CACNA1H: variants seen among roughly 807,000 people sequenced by gnomAD.
The protein encoded by CACNA1H is voltage-dependent T-type calcium channel subunit alpha-1H.
In CACNA1H, 149 loss-of-function variants were observed where a neutral mutation model predicts 192.5. That is an observed-to-expected ratio of 0.77 (90% confidence interval 0.68 to 0.89). The LOEUF (loss-of-function observed/expected upper bound fraction) is 0.89. CACNA1H is among the 40% of genes least tolerant of loss of function. The pLI, the probability that CACNA1H is intolerant of heterozygous loss-of-function variation, is 0.00. For synonymous variants in CACNA1H, 2,202 were observed against 1,475.2 expected (o/e 1.49, Z -11.29); for missense variants, 4,257 against 3,423.5 (o/e 1.24, Z -6.08).
intron 26 of CACNA1H, among the ~76,000 whole-genome samples, chr16:1,213,331 C>T (rs578124417): frequency 1.3e-5 from 2 of 152,210 alleles, no homozygotes; most frequent in African/African-American, 4.8e-5. Flanking sequence ...TGAGGCCAGG[C>T]AAGGAGTAGA....
intron 17 of CACNA1H, 97 bp downstream of exon 17, chr16:1,209,509 T>G: frequency 6.9e-7 from 1 of 1,451,170 alleles, no homozygotes; most frequent in Non-Finnish European, 9.4e-7. Context: ...GGGCGTGTTG[T>G]TGACTGAGGG....
intron 11 of CACNA1H, among the ~76,000 whole-genome samples, chr16:1,205,495 C>T (rs751696956): frequency 6.6e-5 from 10 of 152,208 alleles, no homozygotes; most frequent in African/African-American, 9.7e-5. Context: ...GGGTGCGCAC[C>T]TGTTAGGTCA....
chr16:1,167,138 C>T lies in CACNA1H; in HGVS notation c.299+13102C>T, dbSNP rs1963869228. Among the ~76,000 whole-genome samples the T allele has an allele frequency of 6.6e-6, 1 of 152,218 alleles. No individual in the cohort carries two copies. The highest frequency in any genetic ancestry group is 1.5e-5 in the Non-Finnish European group (1 of 68,040). ...GCTGTGGGAGTGGACACGGCCCTTC[C>T]TTTCCTCGCCGACCCTTTGGGGCGT... On this transcript the variant is annotated intron_variant, in intron 2 of 34. Coordinates refer to ENST00000348261, the MANE Select transcript of CACNA1H (RefSeq NM_021098.3). The surrounding 1 kb of genome is among the most constrained non-coding windows in gnomAD (Gnocchi z 4.2).
In CACNA1H at chr16:1,215,001, C is replaced by G; in HGVS notation, c.4959C>G (p.Asn1653Lys). The G allele has an allele frequency of 6.2e-7, 1 of 1,612,202 alleles. No individual in the cohort carries two copies. The highest frequency in any genetic ancestry group is 8.5e-7 in the Non-Finnish European group (1 of 1,179,194). ...KSLDEALKYC[N>K]YVFTIVFVFE... ...TGGACGAGGCCCTCAAGTACTGCAA[C>G]TACGTCTTCACCATCGTGTTTGTCT... The change falls in exon 28 of 35, where the codon AAC becomes AAG. Residue 1653 changes from asparagine (N) to lysine (K), a missense_variant. Transcript: ENST00000348261.
intron 2 of CACNA1H, among the ~76,000 whole-genome samples, chr16:1,185,019 AC>A (rs1400727586): frequency 1.3e-5 from 2 of 152,184 alleles, no homozygotes; most frequent in Non-Finnish European, 2.9e-5. Context: ...CCAGAAGGAA[AC>A]CGCATCCCCA....
At position 1,200,330 on chromosome 16, in the gene CACNA1H, C is replaced by T; in HGVS notation, c.878C>T (p.Ser293Leu). The T allele has an allele frequency of 1.2e-6, 2 of 1,603,746 alleles. No homozygotes were observed. Among genetic ancestry groups the T allele is most frequent in the Non-Finnish European group, 1.7e-6 (2 of 1,175,854 alleles). The change falls in exon 7 of 35, where the codon TCA becomes TTA. Residue 293 changes from serine to leucine, a missense_variant. Physicochemically the swap from Ser to Leu is moderately radical, Grantham distance 145. Coordinates refer to ENST00000348261, the MANE Select transcript of CACNA1H (RefSeq NM_021098.3). ...GAGGAGAACCCGTTCATCTGCTCCT[C>T]ACGCCGAGACAACGGCATGCAGAAG... is the stretch of plus-strand genomic sequence containing the variant. ...EGEENPFICSSRRDNGMQKCS... is the reference protein window; with the variant it reads ...EGEENPFICSLRRDNGMQKCS...
chr16:1,174,426 C>G (rs1309332736), intron 2 of CACNA1H, among the ~76,000 whole-genome samples: 1 of 152,192 alleles, frequency 6.6e-6, no homozygotes, highest in Admixed American at 6.5e-5. Flanking sequence ...TCTCGGGGTG[C>G]TGGCATGAGG....
chr16:1,169,866 G>C (rs1433382511), intron 2 of CACNA1H, among the ~76,000 whole-genome samples: 1 of 152,270 alleles, frequency 6.6e-6, no homozygotes, highest in Middle Eastern at 3.2e-3. Context: ...ACATGGGCGT[G>C]TGCGACCGCC....
chr16:1,170,856 G>A (rs1199954364), intron 2 of CACNA1H, among the ~76,000 whole-genome samples: 5 of 152,164 alleles, frequency 3.3e-5, no homozygotes, highest in Non-Finnish European at 4.4e-5. Flanking sequence ...TGCTGGCCCC[G>A]GTCCTGTGGG....
chr16:1,206,480 A>G (rs1296470219), intron 12 of CACNA1H, 191 bp downstream of exon 12: 8 of 595,752 alleles, frequency 1.3e-5, no homozygotes, highest in Non-Finnish European at 2.3e-5. Flanking sequence ...CACGTGTTAG[A>G]CATGCAGGGA....
rs201227047 is a variant in CACNA1H at position 1,205,203 on chromosome 16, C to T, written c.2541C>T (p.Cys847=). ...ALEMLLKLLA[C]GPLGYIRNPY... is the part of the protein sequence containing the mutation. ...AGATGCTGCTGAAGCTGCTGGCCTG[C>T]GGCCCTCTGGGCTACATCCGGAACC... The change falls in exon 11 of 35, where the codon TGC becomes TGT. Residue 847 remains cysteine (C), a synonymous_variant. Transcript: ENST00000348261. 4.0e-5 allele frequency: 65 copies of T among 1,612,980 alleles called. No individual in the cohort carries two copies. Among genetic ancestry groups the T allele is most frequent in the African/African-American group, 1.6e-4 (12 of 75,048 alleles).
At position 1,204,290 on chromosome 16, in the gene CACNA1H, G is replaced by A. The variant is rs1369207911; in HGVS notation, c.2283G>A (p.Arg761=). ...GCCCAGGCCCAGGCAGCCCCCAGCG[G>A]CGGGCACAGCAGAGGGCAGCCCCGG... ...TPGPGPGSPQ[R]RAQQRAAPGE... is the part of the protein sequence containing the mutation. The change falls in exon 10 of 35, where the codon CGG becomes CGA. Residue 761 remains arginine, a synonymous_variant. Transcript: ENST00000348261. 1.9e-6 allele frequency: 3 copies of A among 1,603,310 alleles called. No individual in the cohort carries two copies. The highest frequency in any genetic ancestry group is 1.3e-5 in the African/African-American group (1 of 74,860).
chr16:1,215,845 G>A (rs975960424), intron 30 of CACNA1H, among the ~76,000 whole-genome samples: 1 of 152,114 alleles, frequency 6.6e-6, no homozygotes, highest in African/African-American at 2.4e-5. Context: ...CACTTCCAGA[G>A]GCGGGGGCCG....
Position 1,176,778 on chromosome 16 carries a change from C to T in CACNA1H, c.300-18194C>T, listed in dbSNP as rs989702378. Reference sequence around the variant, plus strand: ...GAAAATGATGGTGCTGGGAGGGGAGCGGGGCCGCCCCGCCGGGGAGCTGCC... The same window carrying T: ...GAAAATGATGGTGCTGGGAGGGGAGTGGGGCCGCCCCGCCGGGGAGCTGCC... On this transcript the variant is annotated intron_variant, in intron 2 of 34. Coordinates refer to ENST00000348261, the MANE Select transcript of CACNA1H (RefSeq NM_021098.3). 6.6e-5 allele frequency among the ~76,000 whole-genome samples: 10 copies of T among 152,146 alleles called. 1 individual carries two copies. The South Asian group carries it at 1.0e-3, about 16-fold the overall frequency.
chr16:1,205,737 G>A (rs1968618072), intron 11 of CACNA1H, among the ~76,000 whole-genome samples: 1 of 152,206 alleles, frequency 6.6e-6, no homozygotes, highest in African/African-American at 2.4e-5. Context: ...AGAGTAGAGA[G>A]GGGTGCAGGG....
At chr16:1,165,351 G>T (rs532452463) in intron 2 of CACNA1H, among the ~76,000 whole-genome samples, 1 of 152,210 alleles carries the variant, frequency 6.6e-6, no homozygotes, top group South Asian at 2.1e-4. Context: ...AGCTGAGCCT[G>T]CTGGTCCTCC....
chr16:1,190,116 C>T (rs1474123984), intron 2 of CACNA1H, among the ~76,000 whole-genome samples: 1 of 152,182 alleles, frequency 6.6e-6, no homozygotes, highest in African/African-American at 2.4e-5. Flanking sequence ...GACCCCGTAG[C>T]CAAGACCACC....
At chr16:1,175,112 C>T (rs188390109) in intron 2 of CACNA1H, among the ~76,000 whole-genome samples, 18 of 152,128 alleles carry the variant, frequency 1.2e-4, no homozygotes, top group Non-Finnish European at 1.8e-4. Flanking sequence ...GGCCCCACTG[C>T]GCGCGCAGGC....
chr16:1,206,742 A>G (rs1487328136), intron 12 of CACNA1H: 1 of 491,538 alleles, frequency 2.0e-6, no homozygotes, highest in South Asian at 2.8e-5. Flanking sequence ...ACCCAAATCC[A>G]GAGTGGCTTC....
Sources: allele counts gnomAD v4.1 joint callset (sites outside exome capture counted in the v4.1 genomes callset), GRCh38; gene constraint gnomAD v4.1.1; non-coding constraint Gnocchi (gnomAD v3.1); transcripts MANE v1.5; gene names NCBI Gene and HGNC (gene_info 2026-07-23, HGNC 2026-07-21).